Variants in CDC42SE2 observed in about 807,000 individuals in gnomAD.
CDC42SE2 encodes CDC42 small effector protein 2.
CDC42SE2 carries 3 observed loss-of-function variants against 11.5 expected under a neutral mutation model. That is an observed-to-expected ratio of 0.26 (90% CI 0.12 to 0.67). CDC42SE2 has a LOEUF of 0.67. CDC42SE2 is among the 30% of genes least tolerant of loss of function. CDC42SE2 has a pLI of 0.80. For synonymous variants in CDC42SE2, 33 were observed against 34.8 expected, an observed-to-expected ratio of 0.95 and a Z score of 0.18; for missense variants, 82 against 106.8, an observed-to-expected ratio of 0.77 and a Z score of 1.02.
chr5:131,315,431 A>G (rs1375895626), intron 1 of CDC42SE2, among the ~76,000 whole-genome samples: 1 of 152,196 alleles, frequency 6.6e-6, no homozygotes, highest in African/African-American at 2.4e-5. Flanking sequence ...CAGAGTTTGC[A>G]AGCTCAGATG....
the CDC42SE2 span, among the ~76,000 whole-genome samples, chr5:131,234,986 T>G: frequency 6.6e-6 from 1 of 151,468 alleles, no homozygotes; most frequent in East Asian, 2.0e-4. Flanking sequence ...CCACCCAGGT[T>G]CAAGTGATTC....
chr5:131,318,500 T>C lies in CDC42SE2; in HGVS notation c.-286+2356T>C, dbSNP rs570531431. ...AGGAATGCTGAGATGAAGGCACTTA[T>C]TTTTATGAATTTCAACCTGAAAACA... On this transcript the variant is annotated intron_variant, in intron 2 of 4. Transcript: ENST00000505065. Among the ~76,000 whole-genome samples the C allele has an allele frequency of 3.2e-4, 48 of 152,304 alleles. 1 individual carries two copies. The South Asian group carries it at 9.1e-3, about 29-fold the overall frequency.
chr5:131,280,908 T>A (rs2149701767), intron 1 of CDC42SE2, among the ~76,000 whole-genome samples: 1 of 152,270 alleles, frequency 6.6e-6, no homozygotes, highest in South Asian at 2.1e-4. Context: ...TTGGAAAAAT[T>A]TTAGCATGTA....
In CDC42SE2 at chr5:131,391,084, C is replaced by T. The variant is rs746295535; in HGVS notation, c.248C>T (p.Ala83Val). 2 of 1,611,056 alleles carry T rather than the reference C, an allele frequency of 1.2e-6. No homozygotes were observed. The highest frequency in any genetic ancestry group is 1.1e-5 in the South Asian group (1 of 91,050). The change falls in exon 5 of 5, where the codon GCG becomes GTG. Residue 83 changes from alanine (A) to valine (V), a missense_variant. Transcript: ENST00000505065. ...CAGATGCAGCTCGTGGATACGAAGG[C>T]GGGATAGCCCTGGTCCTTTCTCCAG... ...NVQMQLVDTK[A>V]G
intron 1 of CDC42SE2, among the ~76,000 whole-genome samples, chr5:131,295,274 CT>C (rs1472222840): frequency 2.1e-4 from 31 of 148,136 alleles, no homozygotes; most frequent in African/African-American, 7.4e-4. Context: ...CAGATTGAGA[CT>C]TTGAAAAAAA....
intron 2 of CDC42SE2, among the ~76,000 whole-genome samples, chr5:131,323,304 A>G (rs532659416): frequency 7.0e-4 from 107 of 152,018 alleles, no homozygotes; most frequent in Admixed American, 1.6e-3. Context: ...GATTACAGGC[A>G]TGAGCCACTG....
chr5:131,277,844 ATG>A (rs890064083), intron 1 of CDC42SE2, among the ~76,000 whole-genome samples: 5 of 152,100 alleles, frequency 3.3e-5, no homozygotes, highest in African/African-American at 1.2e-4. Flanking sequence ...CCTTGAAATT[ATG>A]TGTTTTTTAA....
intron 4 of CDC42SE2, among the ~76,000 whole-genome samples, chr5:131,386,684 T>C (rs1206825009): frequency 1.3e-5 from 2 of 152,246 alleles, no homozygotes; most frequent in Non-Finnish European, 2.9e-5. Context: ...CGGGTTCTTA[T>C]CAGAGTTGTT....
At chr5:131,338,271 C>G (rs1758625271) in intron 2 of CDC42SE2, among the ~76,000 whole-genome samples, 1 of 152,220 alleles carries the variant, frequency 6.6e-6, no homozygotes, top group South Asian at 2.1e-4. Flanking sequence ...ATCCCAAACC[C>G]TTCGTAGCAT....
At chr5:131,333,761 CTCTG>C (rs1401649059) in intron 2 of CDC42SE2, among the ~76,000 whole-genome samples, 2 of 151,792 alleles carry the variant, frequency 1.3e-5, no homozygotes, top group Non-Finnish European at 2.9e-5. Context: ...TGATTTGGCT[CTCTG>C]TCTGTTATTG....
intron 2 of CDC42SE2, among the ~76,000 whole-genome samples, chr5:131,323,759 T>TTAC (rs1014151872): frequency 1.4e-4 from 22 of 152,242 alleles, no homozygotes; most frequent in African/African-American, 5.1e-4. Context: ...TCATTTTACT[T>TTAC]TACATGAGAG....
At chr5:131,371,372 CT>C (rs1448044441) in intron 3 of CDC42SE2, among the ~76,000 whole-genome samples, 1 of 152,118 alleles carries the variant, frequency 6.6e-6, no homozygotes, top group Non-Finnish European at 1.5e-5. Flanking sequence ...CTCTTATCAC[CT>C]TTGCACATAG....
chr5:131,354,539 A>G (rs1749472977), intron 2 of CDC42SE2: 1 of 152,174 alleles, frequency 6.6e-6, no homozygotes, highest in Admixed American at 6.5e-5. Flanking sequence ...ATATTGTGTC[A>G]TGTTTCTTAT....
intron 3 of CDC42SE2, among the ~76,000 whole-genome samples, chr5:131,365,275 AC>A (rs1749821006): frequency 6.6e-6 from 1 of 151,804 alleles, no homozygotes; most frequent in African/African-American, 2.4e-5. Context: ...GGACTGGGCC[AC>A]AGAGTGAGAC....
the CDC42SE2 span, among the ~76,000 whole-genome samples, chr5:131,215,416 G>A: frequency 2.0e-5 from 3 of 152,336 alleles, no homozygotes; most frequent in East Asian, 3.9e-4. Flanking sequence ...GTAGACCTAC[G>A]TGTTGGAGCT....
chr5:131,240,973 TTTTTGTTTTTG>T (rs949135550), upstream of CDC42SE2, among the ~76,000 whole-genome samples: 2 of 151,910 alleles, frequency 1.3e-5, no homozygotes, highest in Admixed American at 1.3e-4. Context: ...TTTGTTTTTG[TTTTTGTTTTTG>T]TTTTTGTTTT....
intron 1 of CDC42SE2, among the ~76,000 whole-genome samples, chr5:131,278,979 T>C (rs1286525624): frequency 6.6e-6 from 1 of 150,776 alleles, no homozygotes; most frequent in Non-Finnish European, 1.5e-5. Flanking sequence ...GAAACAGGGT[T>C]TCATCATGTT....
At chr5:131,277,084 C>T (rs1757119918) in intron 1 of CDC42SE2, among the ~76,000 whole-genome samples, 1 of 152,166 alleles carries the variant, frequency 6.6e-6, no homozygotes, top group African/African-American at 2.4e-5. Flanking sequence ...CAAATAAAAT[C>T]ATCATGTTGG....
intron 1 of CDC42SE2, among the ~76,000 whole-genome samples, chr5:131,295,809 A>G (rs543043740): frequency 2.4e-4 from 36 of 152,098 alleles, no homozygotes; most frequent in African/African-American, 8.2e-4. Flanking sequence ...CAGCCTCCCA[A>G]GTAGCTGGGA....
Sources: gnomAD v4.1 joint callset for allele counts (sites outside exome capture counted in the v4.1 genomes callset) on GRCh38, gnomAD v4.1.1 for gene constraint, MANE v1.5 for transcripts, NCBI Gene and HGNC (gene_info 2026-07-23, HGNC 2026-07-21) for gene names.